Variants in KAT6A observed in about 807,000 individuals in gnomAD.
KAT6A encodes the protein histone acetyltransferase KAT6A.
Under a neutral mutation model 198.4 loss-of-function variants are expected in KAT6A, and 9 were observed. That is an observed-to-expected ratio of 0.05 (90% CI 0.03 to 0.08). KAT6A has a LOEUF of 0.08. KAT6A is among the 10% of genes least tolerant of loss of function. The pLI is 1.00. For synonymous variants in KAT6A, 890 were observed against 883.0 expected (o/e 1.01, Z -0.14); for missense variants, 2,077 against 2,509.9 (o/e 0.83, Z 3.69).
intron 5 of KAT6A, 46 bp from the exon 6 acceptor site, chr8:41,978,823 A>T (rs1824202783): frequency 6.4e-7 from 1 of 1,568,030 alleles, no homozygotes; most frequent in Non-Finnish European, 8.7e-7. Context: ...AGACATAAAT[A>T]CACTGAAAGG....
Position 41,931,210 on chromosome 8 carries a change from A to G in KAT6A, c.*995T>C. On this transcript the variant is annotated 3_prime_UTR_variant, in exon 17 of 17. Coordinates refer to ENST00000265713, the MANE Select transcript of KAT6A (RefSeq NM_006766.5). ...TTTGAGTTTTATCAGTCAAAGGCTCAAGCATCAAGACCCTCAGTTAGCATT... is the reference window on the plus strand; with the variant it reads ...TTTGAGTTTTATCAGTCAAAGGCTCGAGCATCAAGACCCTCAGTTAGCATT... 1 of 222,932 alleles carries G rather than the reference A, an allele frequency of 4.5e-6. No homozygotes were observed. Among genetic ancestry groups the G allele is most frequent in the Non-Finnish European group, 9.0e-6 (1 of 111,292 alleles). 13.8% of individuals were successfully genotyped at this position (222,932 alleles called of 1,614,324 possible). A position where few individuals can be genotyped will look rare whatever the true frequency, so the allele number is the denominator to read the frequency against.
At chr8:42,024,437 A>G (rs1826695155) in intron 2 of KAT6A, among the ~76,000 whole-genome samples, 1 of 152,244 alleles carries the variant, frequency 6.6e-6, no homozygotes, top group South Asian at 2.1e-4. Context: ...AACATTTATC[A>G]TTTGTGTTGG....
intron 8 of KAT6A, chr8:41,958,141 T>C (rs1422966600): frequency 1.3e-5 from 2 of 152,184 alleles, no homozygotes; most frequent in Non-Finnish European, 2.9e-5. Flanking sequence ...CAGTAAGTAA[T>C]TCCATTCATT....
chr8:42,045,916 C>T (rs1206168144), intron 2 of KAT6A, among the ~76,000 whole-genome samples: 1 of 151,776 alleles, frequency 6.6e-6, no homozygotes, highest in Middle Eastern at 3.2e-3. Flanking sequence ...ACCCGGGAGG[C>T]GAAGGTTGCA....
intron 2 of KAT6A, among the ~76,000 whole-genome samples, chr8:41,999,775 C>T (rs1168976286): frequency 6.6e-6 from 1 of 152,200 alleles, no homozygotes; most frequent in African/African-American, 2.4e-5. Flanking sequence ...AGAATCACCT[C>T]AGCAGCACTT....
Position 41,929,682 on chromosome 8 carries a change from C to A in KAT6A, c.*2523G>T. The A allele has an allele frequency of 5.1e-6, 1 of 194,278 alleles. No homozygotes were observed. The highest frequency in any genetic ancestry group is 1.1e-5 in the Non-Finnish European group (1 of 93,076). The allele number at this position is 194,278 out of a possible 1,614,324, so 12.0% of individuals were successfully genotyped here. On this transcript the variant is annotated 3_prime_UTR_variant, in exon 17 of 17. Coordinates refer to ENST00000265713, the MANE Select transcript of KAT6A (RefSeq NM_006766.5). ...CTTACAAGTCACCATGAACAAAGTA[C>A]AAAGAGGTTACAAAACAGGAAAAGC... is the stretch of plus-strand genomic sequence containing the variant.
rs1287167560 is a variant in KAT6A, at chr8:41,961,314, T to C, written c.1483-5903A>G. Among the ~76,000 whole-genome samples, 3 of 152,242 alleles carry C rather than the reference T, an allele frequency of 2.0e-5. No individual in the cohort carries two copies. In the East Asian group the frequency reaches 5.8e-4, roughly 29 times the overall value. On this transcript the variant is annotated intron_variant, in intron 8 of 16. Coordinates refer to ENST00000265713, the MANE Select transcript of KAT6A (RefSeq NM_006766.5). ...GAGCTCCTAAGCCCACGGCTTCCGT[T>C]TGTGCATGAGATAACATCTTCCTGC... is the stretch of plus-strand genomic sequence containing the variant.
At chr8:42,040,735 C>CAAAAAAAAAAAAAAAAAA (rs59959496) in intron 2 of KAT6A, among the ~76,000 whole-genome samples, 13 of 54,654 alleles carry the variant, frequency 2.4e-4, no homozygotes, top group African/African-American at 3.8e-4. Context: ...GACTCTGTCT[C>CAAAAAAAAAAAAAAAAAA]AAAAAAAAAA....
At chr8:41,964,627 G>GAAAAAAAAAAAAAAAAAATAAAAAAAAA (rs1823368540) in intron 8 of KAT6A, among the ~76,000 whole-genome samples, 1 of 130,922 alleles carries the variant, frequency 7.6e-6, no homozygotes, top group South Asian at 2.3e-4. Flanking sequence ...TCCAAAATCT[G>GAAAAAAAAAAAAAAAAAATAAAAAAAAA]AAAAAAAAAA....
At chr8:41,966,445 G>A (rs1823497489) in intron 8 of KAT6A, among the ~76,000 whole-genome samples, 1 of 152,064 alleles carries the variant, frequency 6.6e-6, no homozygotes, top group East Asian at 1.9e-4. Flanking sequence ...ACAGTCCACG[G>A]TTTCAGGCAT....
chr8:41,942,751 A>AT (rs1564011869), intron 14 of KAT6A, 42 bp downstream of exon 14: 10 of 1,595,508 alleles, frequency 6.3e-6, no homozygotes, highest in South Asian at 4.5e-5. Flanking sequence ...AATCAAAAAT[A>AT]TATCTTCTGT....
intron 2 of KAT6A, among the ~76,000 whole-genome samples, chr8:42,013,881 G>C (rs1207599652): frequency 6.6e-6 from 1 of 152,104 alleles, no homozygotes; most frequent in African/African-American, 2.4e-5. Flanking sequence ...AGCAGGGTTT[G>C]GCAAACTGTT....
intron 2 of KAT6A, among the ~76,000 whole-genome samples, chr8:41,998,070 A>T (rs1314067287): frequency 6.6e-6 from 1 of 152,162 alleles, no homozygotes; most frequent in Non-Finnish European, 1.5e-5. Context: ...CACAGTAAGA[A>T]GTCTAGTAAA....
chr8:41,980,781 TA>T, intron 5 of KAT6A, 64 bp downstream of exon 5: 1 of 1,076,006 alleles, frequency 9.3e-7, no homozygotes. Context: ...ACAAAGTAGA[TA>T]AAATGTGCTT....
rs867662965 is a variant in KAT6A at position 41,929,594 on chromosome 8, G to A, written c.*2611C>T. 5.2e-6 allele frequency: 1 copy of A among 192,886 alleles called. No homozygotes were observed. The highest frequency in any genetic ancestry group is 1.8e-3 in the Middle Eastern group (1 of 546). 11.9% of individuals were successfully genotyped at this position (192,886 alleles called of 1,614,324 possible). ...ACATACAAGGAGAGGAAGGGAGGCC[G>A]GCTGGCCCAGGAGCGCGTGACATGG... On this transcript the variant is annotated 3_prime_UTR_variant, in exon 17 of 17. Coordinates refer to ENST00000265713, the MANE Select transcript of KAT6A (RefSeq NM_006766.5).
At chr8:41,994,718 G>T (rs1312938951) in intron 2 of KAT6A, among the ~76,000 whole-genome samples, 1 of 151,926 alleles carries the variant, frequency 6.6e-6, no homozygotes, top group Non-Finnish European at 1.5e-5. Flanking sequence ...CTTCTATGAA[G>T]ACTCTGATTT....
At chr8:42,025,402 G>A (rs1456899381) in intron 2 of KAT6A, among the ~76,000 whole-genome samples, 3 of 145,028 alleles carry the variant, frequency 2.1e-5, no homozygotes, top group Non-Finnish European at 3.0e-5. Flanking sequence ...TAGTAGAGAC[G>A]GGGTTTCGCC....
intron 9 of KAT6A, among the ~76,000 whole-genome samples, chr8:41,953,766 T>A (rs145873968): frequency 2.1e-3 from 318 of 152,258 alleles, no homozygotes; most frequent in African/African-American, 6.9e-3. Flanking sequence ...GTCCTTGGCG[T>A]ATTTCTTCTC....
intron 5 of KAT6A, among the ~76,000 whole-genome samples, chr8:41,980,288 G>C (rs993969896): frequency 1.3e-5 from 2 of 151,934 alleles, no homozygotes; most frequent in African/African-American, 2.4e-5. Flanking sequence ...GGAATCAAAA[G>C]AAAAGAGTAA....
Sources: gnomAD v4.1 joint callset for allele counts (sites outside exome capture counted in the v4.1 genomes callset) on GRCh38, gnomAD v4.1.1 for gene constraint, MANE v1.5 for transcripts, NCBI Gene and HGNC (gene_info 2026-07-23, HGNC 2026-07-21) for gene names.